The following KDM5C variants were observed in gnomAD, a reference collection of about 807,000 sequenced individuals.
The protein encoded by KDM5C is lysine-specific demethylase 5C.
KDM5C carries 16 observed loss-of-function variants against 110.6 expected under a neutral mutation model. The ratio of observed to expected loss-of-function variants is 0.14; its 90% confidence interval spans 0.10 to 0.22. The LOEUF (loss-of-function observed/expected upper bound fraction) is 0.22. KDM5C is among the 10% of genes least tolerant of loss of function. KDM5C has a pLI of 1.00. For missense variants in KDM5C, 681 were observed against 1,300.9 expected (o/e 0.52, Z 7.33); for synonymous variants, 511 against 520.4 (o/e 0.98, Z 0.24).
rs1556851547 is a variant in KDM5C at position 53,215,882 on chromosome X, C to T, written c.876G>A (p.Leu292=). Residue 292 remains leucine, a synonymous_variant, in exon 7 of 26, where the codon CTG becomes CTA. Transcript: ENST00000375401. ...KVESTSPKTF[L]ESKEELSHSP... ...TGTGACTCAGCTCCTCCTTGCTCTC[C>T]AGGAAGGTCTTAGGCGATGTTGACT... The T allele has an allele frequency of 3.3e-6, 4 of 1,209,637 alleles. No individual in the cohort carries two copies. The highest frequency in any genetic ancestry group is 4.4e-5 in the Admixed American group (2 of 45,834).
intron 17 of KDM5C, among the ~76,000 whole-genome samples, chrX:53,198,216 C>G (rs1166927701): frequency 1.8e-5 from 2 of 111,624 alleles, no homozygotes; most frequent in African/African-American, 6.5e-5. Flanking sequence ...GCCCACAAAA[C>G]CCCTCAGCCT....
chrX:53,208,499 CTTT>C (rs67574134), intron 12 of KDM5C, among the ~76,000 whole-genome samples: 3 of 48,284 alleles, frequency 6.2e-5, no homozygotes, highest in Admixed American at 7.4e-4. Context: ...TCAGAGAATC[CTTT>C]TTTTTTTTTT....
intron 25 of KDM5C, among the ~76,000 whole-genome samples, chrX:53,184,456 G>A (rs1934160476): frequency 9.0e-6 from 1 of 110,601 alleles, no homozygotes; most frequent in African/African-American, 3.3e-5. Flanking sequence ...TGCCTAAGCT[G>A]GTCTCGAACT....
intron 12 of KDM5C, among the ~76,000 whole-genome samples, chrX:53,209,449 CAA>C (rs1556847654): frequency 9.0e-6 from 1 of 111,337 alleles, no homozygotes; most frequent in Non-Finnish European, 1.9e-5. Context: ...AAGGAGAAGG[CAA>C]AAAGAAATGC....
In KDM5C at chrX:53,197,888, C is replaced by T. The variant is rs1454967992; in HGVS notation, c.2517-12G>A. On this transcript the variant is annotated splice_polypyrimidine_tract_variant and intron_variant, in intron 17 of 25. Coordinates refer to ENST00000375401, the MANE Select transcript of KDM5C (RefSeq NM_004187.5). ...CCACCCTGTGGGGGCTATGAAGTAT[C>T]ACATGTGAGGTTTCAGGTCCAAACT... is the stretch of plus-strand genomic sequence containing the variant. 3 of 1,137,216 alleles carry T rather than the reference C, an allele frequency of 2.6e-6. No homozygotes were observed. Among genetic ancestry groups the T allele is most frequent in the Non-Finnish European group, 3.6e-6 (3 of 841,292 alleles). 93.7% of individuals were successfully genotyped at this position (1,137,216 alleles called of 1,213,427 possible).
chrX:53,196,202 G>C, intron 19 of KDM5C, 148 bp from the exon 20 acceptor site: 1 of 647,038 alleles, frequency 1.5e-6, no homozygotes, highest in Non-Finnish European at 2.4e-6. Flanking sequence ...TTCCACCTAA[G>C]GGTAGCTGCC....
intron 1 of KDM5C, among the ~76,000 whole-genome samples, chrX:53,223,766 C>T (rs1198898622): frequency 9.0e-6 from 1 of 111,566 alleles, no homozygotes; most frequent in Non-Finnish European, 1.9e-5. Context: ...TTCCATGGCT[C>T]CATTCTGTTC....
chrX:53,177,461 C>T (rs1234918006), intron 25 of KDM5C, among the ~76,000 whole-genome samples: 2 of 112,689 alleles, frequency 1.8e-5, no homozygotes, highest in African/African-American at 6.4e-5. Context: ...TAATGACATT[C>T]ATTTGACTAT....
intron 2 of KDM5C, 82 bp downstream of exon 2, chrX:53,220,757 G>T: frequency 3.7e-6 from 3 of 821,616 alleles, no homozygotes; most frequent in Non-Finnish European, 5.4e-6. Flanking sequence ...AAGTACCTCA[G>T]CCAGAGAAAC....
chrX:53,214,011 G>A (rs1429959615), intron 8 of KDM5C, among the ~76,000 whole-genome samples: 2 of 109,728 alleles, frequency 1.8e-5, no homozygotes, highest in Non-Finnish European at 3.8e-5. Flanking sequence ...CTGGAGTGCA[G>A]TGGCATGATT....
intron 1 of KDM5C, 139 bp from the exon 2 acceptor site, chrX:53,221,055 C>T: frequency 2.0e-6 from 1 of 504,537 alleles, no homozygotes; most frequent in South Asian, 2.7e-5. Context: ...TGCAAACATC[C>T]TACCCAACCA....
intron 18 of KDM5C, 60 bp downstream of exon 18, chrX:53,197,711 G>T: frequency 1.1e-6 from 1 of 939,691 alleles, no homozygotes; most frequent in Non-Finnish European, 1.5e-6. Context: ...GCCAAGCATG[G>T]CCTGCTGCTC....
Position 53,194,345 on chromosome X carries a change from G to A in KDM5C, c.3832C>T (p.Leu1278=). The change falls in exon 23 of 26, where the codon CTG becomes TTG. Residue 1278 remains leucine (L), a synonymous_variant. Transcript: ENST00000375401. The part of the protein sequence containing the change: ...LPVRLPEGEA[L]QCLTERAISW... Reference sequence around the variant, plus strand: ...ATGGCCCTCTCTGTGAGGCACTGCAGGGCCTCGCCCTCGGGCAGCCGCACA... The same window carrying A: ...ATGGCCCTCTCTGTGAGGCACTGCAAGGCCTCGCCCTCGGGCAGCCGCACA... 1 of 1,211,886 alleles carries A rather than the reference G, an allele frequency of 8.3e-7. No homozygotes were observed. The highest frequency in any genetic ancestry group is 3.0e-5 in the East Asian group (1 of 33,838).
At chrX:53,214,596 A>C in intron 8 of KDM5C, 93 bp downstream of exon 8, 8 of 1,016,650 alleles carry the variant, frequency 7.9e-6, no homozygotes, top group Non-Finnish European at 1.1e-5. Flanking sequence ...AAAACCTAAG[A>C]CTATGGCTGA....
downstream of KDM5C, chrX:53,191,845 TAAC>T (rs1260892180): frequency 5.7e-6 from 1 of 174,448 alleles, no homozygotes; most frequent in Non-Finnish European, 1.1e-5. Context: ...ATAAAGCCAT[TAAC>T]AAAAAAATCC....
chrX:53,218,719 G>A (rs1156492343), intron 2 of KDM5C: 1 of 362,568 alleles, frequency 2.8e-6, no homozygotes, highest in African/African-American at 2.6e-5. Flanking sequence ...GGAACTATAG[G>A]CGCACGCCAC....
chrX:53,202,236 A>G, intron 12 of KDM5C: 1 of 326,862 alleles, frequency 3.1e-6, no homozygotes, highest in South Asian at 4.1e-5. Flanking sequence ...TTTTTGCAAA[A>G]ATTATAAATA....
rs782137808 is a variant in KDM5C at position 53,195,059 on chromosome X, G to C, written c.3310C>G (p.Pro1104Ala). ...SCYTLLEVLC[P>A]CADAGSDSTK... is the part of the protein sequence containing the mutation. ...CTGTCTGAGCCGGCATCTGCACATG[G>C]GCAGAGAACCTGGGGCAGGCAGACA... The change falls in exon 22 of 26, where the codon CCA becomes GCA. Residue 1104 changes from proline to alanine, a missense_variant. Physicochemically the swap from Pro to Ala is conservative, Grantham distance 27 (BLOSUM62 -1). Transcript: ENST00000375401. 6.6e-6 allele frequency: 8 copies of C among 1,207,097 alleles called. No individual in the cohort carries two copies.
rs781835770 is a variant in KDM5C, at chrX:53,193,901, G to GC, written c.4039-51dup. 46 of 1,118,177 alleles carry GC rather than the reference G, an allele frequency of 4.1e-5. No individual in the cohort carries two copies. The South Asian group carries it at 8.4e-4, about 20-fold the overall frequency. 92.2% of individuals were successfully genotyped at this position (1,118,177 alleles called of 1,213,427 possible). On this transcript the variant is annotated intron_variant, in intron 23 of 25. Transcript: ENST00000375401. The stretch of plus-strand genomic sequence containing the variant: ...AGGGGCAACTGAAGTGAAGAACCAG[G>GC]CCCTATTCCTCCTCCGCCAACCCCA...
Sources: allele counts gnomAD v4.1 joint callset (sites outside exome capture counted in the v4.1 genomes callset), GRCh38; gene constraint gnomAD v4.1.1; transcripts MANE v1.5; gene names NCBI Gene and HGNC (gene_info 2026-07-23, HGNC 2026-07-21).